SCAI: variants seen among roughly 807,000 people sequenced by gnomAD.
SCAI encodes protein SCAI.
A neutral mutation model predicts 92.2 loss-of-function variants in SCAI; 24 were observed. The observed-to-expected ratio is 0.26, with a 90% CI of 0.19 to 0.37. The LOEUF (loss-of-function observed/expected upper bound fraction) is 0.37, where lower values mean the gene tolerates loss of function less well. Ranked by LOEUF, SCAI falls within the 10% of genes least tolerant of loss-of-function variation. The pLI, the probability that SCAI is intolerant of heterozygous loss-of-function variation, is 1.00. For missense variants in SCAI, 450 were observed against 736.2 expected (o/e 0.61, Z 4.50); for synonymous variants, 261 against 258.6 (o/e 1.01, Z -0.09).
At chr9:125,082,066 C>T (rs1281782248) in intron 2 of SCAI, among the ~76,000 whole-genome samples, 4 of 152,184 alleles carry the variant, frequency 2.6e-5, no homozygotes, top group South Asian at 2.1e-4. Flanking sequence ...GAGATCTTCA[C>T]GGCAGCCCCT....
chr9:125,079,865 G>A (rs1214197178), intron 2 of SCAI, among the ~76,000 whole-genome samples: 1 of 152,132 alleles, frequency 6.6e-6, no homozygotes, highest in East Asian at 1.9e-4. Context: ...TACGAAAGCA[G>A]GAATTAGACC....
chr9:125,041,076 T>C (rs1199128883), intron 3 of SCAI, among the ~76,000 whole-genome samples: 2 of 152,186 alleles, frequency 1.3e-5, no homozygotes, highest in Non-Finnish European at 2.9e-5. Flanking sequence ...GTTAAGTTAA[T>C]GGATAAGAAA....
At chr9:125,063,806 T>C (rs1261358901) in intron 2 of SCAI, among the ~76,000 whole-genome samples, 1 of 151,654 alleles carries the variant, frequency 6.6e-6, no homozygotes, top group Non-Finnish European at 1.5e-5. Context: ...CAGGCTGAAG[T>C]GCAATGGCGG....
intron 2 of SCAI, among the ~76,000 whole-genome samples, chr9:125,120,781 G>A (rs1835141938): frequency 6.6e-6 from 1 of 152,122 alleles, no homozygotes; most frequent in Non-Finnish European, 1.5e-5. Flanking sequence ...GGCTAAGGCA[G>A]GAGGATCGCT....
chr9:125,001,722 A>G (rs750039701), intron 12 of SCAI, among the ~76,000 whole-genome samples: 6 of 152,220 alleles, frequency 3.9e-5, no homozygotes, highest in Non-Finnish European at 5.9e-5. Context: ...GATACATTTG[A>G]TAGTGAAGCA....
chr9:125,075,564 AT>A (rs573518384), intron 2 of SCAI, among the ~76,000 whole-genome samples: 10,368 of 129,978 alleles, frequency 0.08, 904 homozygotes, highest in East Asian at 0.23. Context: ...CGTCCAGCTA[AT>A]TTTTTTTTTT....
intron 2 of SCAI, among the ~76,000 whole-genome samples, chr9:125,075,120 A>C (rs1834062006): frequency 6.6e-6 from 1 of 152,248 alleles, no homozygotes. Flanking sequence ...AAAAATACAC[A>C]AAATGAAAGA....
At chr9:125,125,329 G>A (rs913840604) in intron 2 of SCAI, among the ~76,000 whole-genome samples, 4 of 152,172 alleles carry the variant, frequency 2.6e-5, no homozygotes, top group Non-Finnish European at 5.9e-5. Flanking sequence ...TCAGGATCCA[G>A]ACTAGGCTGG....
intron 17 of SCAI, among the ~76,000 whole-genome samples, chr9:124,958,832 G>A (rs1364218738): frequency 6.6e-6 from 1 of 151,650 alleles, no homozygotes; most frequent in Middle Eastern, 3.4e-3. Flanking sequence ...GCTTGAATCC[G>A]GGAGGCAGAG....
intron 2 of SCAI, among the ~76,000 whole-genome samples, chr9:125,108,647 TCTGAGAAGTGAGGAGCCCCTCCGCCC>T (rs2131227243): frequency 6.9e-6 from 1 of 145,976 alleles, no homozygotes; most frequent in Non-Finnish European, 1.5e-5. Flanking sequence ...AGCCGCCCCG[TCTGAGAAGTGAGGAGCCCCTCCGCCC>T]GGCAGCCGCC....
At chr9:124,954,653 T>G (rs529870318) in intron 17 of SCAI, among the ~76,000 whole-genome samples, 35 of 152,290 alleles carry the variant, frequency 2.3e-4, no homozygotes, top group African/African-American at 8.2e-4. Context: ...TACAATTCAG[T>G]GGCATTTAAT....
intron 2 of SCAI, among the ~76,000 whole-genome samples, chr9:125,078,656 T>G (rs1480966072): frequency 6.6e-6 from 1 of 151,996 alleles, no homozygotes; most frequent in East Asian, 1.9e-4. Context: ...TGGCTCACAC[T>G]TATAATCCCA....
rs375247761 is a variant in SCAI, at chr9:125,097,259, C to T, written c.99-41252G>A. On this transcript the variant is annotated intron_variant, in intron 2 of 17. Coordinates refer to ENST00000336505, the MANE Select transcript of SCAI (RefSeq NM_001144877.3). The stretch of plus-strand genomic sequence containing the variant: ...ACCAGCCTGGCCAACATGGTGAAAC[C>T]CTGTCTCTAATAAAAATACAAAAAT... Among the ~76,000 whole-genome samples the T allele has an allele frequency of 1.4e-3, 209 of 152,114 alleles. 5 individuals are homozygous for T. The South Asian group carries it at 0.042, about 31-fold the overall frequency.
chr9:125,002,488 G>GTTTTTTTTTTTTTTTTTTT lies in SCAI; in HGVS notation c.1066-446_1066-445insAAAAAAAAAAAAAAAAAAA, dbSNP rs58586769. Among the ~76,000 whole-genome samples, 229 of 125,054 alleles carry GTTTTTTTTTTTTTTTTTTT rather than the reference G, an allele frequency of 1.8e-3. 17 individuals carry two copies. The highest frequency in any genetic ancestry group is 5.7e-3 in the African/African-American group (180 of 31,644). 82.0% of individuals were successfully genotyped at this position (125,054 alleles called of 152,430 possible). ...ACACTCTGCTTTTGTTTTTTAGTCT[G>GTTTTTTTTTTTTTTTTTTT]TTTTTTTTTTTGAAACAGAGTTTCA... On this transcript the variant is annotated intron_variant, in intron 11 of 17. Coordinates refer to ENST00000336505, the MANE Select transcript of SCAI (RefSeq NM_001144877.3).
chr9:124,969,151 C>G (rs1457695204), intron 17 of SCAI, among the ~76,000 whole-genome samples: 1 of 152,088 alleles, frequency 6.6e-6, no homozygotes, highest in Non-Finnish European at 1.5e-5. Context: ...CACTATGTTA[C>G]CCAGGCTGGT....
At chr9:124,992,345 G>C (rs1480565913) in intron 14 of SCAI, among the ~76,000 whole-genome samples, 1 of 151,676 alleles carries the variant, frequency 6.6e-6, no homozygotes, top group Non-Finnish European at 1.5e-5. Context: ...TCTGTGCCAT[G>C]ATCTGATTTG....
intron 17 of SCAI, among the ~76,000 whole-genome samples, chr9:124,966,098 C>CT (rs1447967951): frequency 6.6e-6 from 1 of 152,142 alleles, no homozygotes; most frequent in East Asian, 1.9e-4. Flanking sequence ...TAAAATTATA[C>CT]TTTAAGTTCT....
At chr9:125,056,183 C>G (rs1337985441) in intron 2 of SCAI, among the ~76,000 whole-genome samples, 176 bp from the exon 3 acceptor site, 2 of 152,110 alleles carry the variant, frequency 1.3e-5, no homozygotes, top group Non-Finnish European at 2.9e-5. Context: ...CAGATCATCT[C>G]AGTCGGGCGC....
chr9:125,092,884 C>T (rs1834464345), intron 2 of SCAI, among the ~76,000 whole-genome samples: 1 of 152,342 alleles, frequency 6.6e-6, no homozygotes, highest in East Asian at 1.9e-4. Flanking sequence ...CATTCTCTGT[C>T]GAACACACAC....
Sources: gnomAD v4.1 joint callset for allele counts (sites outside exome capture counted in the v4.1 genomes callset) on GRCh38, gnomAD v4.1.1 for gene constraint, MANE v1.5 for transcripts, NCBI Gene and HGNC (gene_info 2026-07-23, HGNC 2026-07-21) for gene names.